Variants in ARHGAP15 observed in about 807,000 individuals in gnomAD.
ARHGAP15 encodes the protein Rho GTPase activating protein 15.
In ARHGAP15, 51 loss-of-function variants were observed where a neutral mutation model predicts 63.7. The ratio of observed to expected loss-of-function variants is 0.80; its 90% CI spans 0.64 to 1.01. The LOEUF is 1.01. Ranked by LOEUF, ARHGAP15 falls within the 50% of genes least tolerant of loss-of-function variation. The probability of loss-of-function intolerance (pLI) is 0.00; values close to 1 mark genes in which losing one functional copy is unlikely to be tolerated. For synonymous variants in ARHGAP15, 191 were observed against 193.8 expected, an observed-to-expected ratio of 0.99 and a Z score of 0.12; for missense variants, 560 against 564.6, an observed-to-expected ratio of 0.99 and a Z score of 0.08.
intron 13 of ARHGAP15, among the ~76,000 whole-genome samples, chr2:143,708,608 C>A (rs1055578064): frequency 6.6e-6 from 1 of 151,988 alleles, no homozygotes; most frequent in South Asian, 2.1e-4. Context: ...GGCATATTGT[C>A]CCCTGGTCTT....
intron 2 of ARHGAP15, among the ~76,000 whole-genome samples, chr2:143,162,957 T>C (rs2105026365): frequency 6.6e-6 from 1 of 152,164 alleles, no homozygotes. Flanking sequence ...ACCATTTAAT[T>C]TACATTTATT....
chr2:143,140,273 C>T (rs941496661), intron 1 of ARHGAP15, among the ~76,000 whole-genome samples: 12 of 152,066 alleles, frequency 7.9e-5, no homozygotes, highest in Non-Finnish European at 1.6e-4. Flanking sequence ...AGAGATAACT[C>T]TTTTCTTGTT....
chr2:143,669,611 T>C (rs1682414559), intron 12 of ARHGAP15, among the ~76,000 whole-genome samples: 1 of 152,232 alleles, frequency 6.6e-6, no homozygotes, highest in Non-Finnish European at 1.5e-5. Flanking sequence ...CTTCTAGCTG[T>C]GTCCCCACAA....
At chr2:143,575,713 A>C (rs1469716234) in intron 11 of ARHGAP15, among the ~76,000 whole-genome samples, 1 of 152,158 alleles carries the variant, frequency 6.6e-6, no homozygotes, top group African/African-American at 2.4e-5. Context: ...AAGAATAGGA[A>C]ATTTAAAATA....
At chr2:143,547,956 T>C (rs554479747) in intron 10 of ARHGAP15, among the ~76,000 whole-genome samples, 1 of 152,166 alleles carries the variant, frequency 6.6e-6, no homozygotes, top group Admixed American at 6.6e-5. Context: ...CACTGAACTT[T>C]TCAAGGCATA....
intron 6 of ARHGAP15, among the ~76,000 whole-genome samples, chr2:143,258,015 A>T (rs769168481): frequency 1.3e-5 from 2 of 152,122 alleles, no homozygotes; most frequent in African/African-American, 4.8e-5. Context: ...ATGATTTTTA[A>T]TAGCAAACAG....
chr2:143,685,171 A>AG (rs1237172033), intron 12 of ARHGAP15, among the ~76,000 whole-genome samples: 2 of 151,766 alleles, frequency 1.3e-5, no homozygotes, highest in African/African-American at 2.4e-5. Context: ...TGCTCGGGAG[A>AG]GGGGGGTGGG....
In ARHGAP15 at chr2:143,426,503, C is replaced by T. The variant is rs184281667; in HGVS notation, c.475-9098C>T. Among the ~76,000 whole-genome samples, 16 of 152,188 alleles carry T rather than the reference C, an allele frequency of 1.1e-4. No individual in the cohort carries two copies. The East Asian group carries it at 2.3e-3, about 22-fold the overall frequency. ...AGGTTGGTATGTTCTGGCTATGCTG[C>T]GAACCGTAGCCCAGAAATGACTGAC... On this transcript the variant is annotated intron_variant, in intron 6 of 13. Transcript: ENST00000295095.
chr2:143,412,129 A>G (rs149403940), intron 6 of ARHGAP15, among the ~76,000 whole-genome samples: 2 of 152,296 alleles, frequency 1.3e-5, no homozygotes, highest in Admixed American at 6.5e-5. Flanking sequence ...ATATCTTTTA[A>G]TGATTGCTCT....
intron 6 of ARHGAP15, among the ~76,000 whole-genome samples, chr2:143,359,650 A>C (rs1337183478): frequency 6.6e-6 from 1 of 152,186 alleles, no homozygotes; most frequent in Non-Finnish European, 1.5e-5. Context: ...TTGATAGGAG[A>C]TATGTGCAGG....
chr2:143,420,409 T>A (rs536790857), intron 6 of ARHGAP15, among the ~76,000 whole-genome samples: 9 of 152,306 alleles, frequency 5.9e-5, no homozygotes, highest in African/African-American at 1.9e-4. Context: ...TTGTATTGTG[T>A]ATCTGAAGTA....
At chr2:143,663,244 G>C (rs1291218490) in intron 12 of ARHGAP15, among the ~76,000 whole-genome samples, 1 of 147,106 alleles carries the variant, frequency 6.8e-6, no homozygotes, top group Non-Finnish European at 1.5e-5. Context: ...AGCCAGAAGA[G>C]AGTGGGGGCC....
At chr2:143,357,197 G>T (rs991109647) in intron 6 of ARHGAP15, among the ~76,000 whole-genome samples, 1 of 152,098 alleles carries the variant, frequency 6.6e-6, no homozygotes, top group Non-Finnish European at 1.5e-5. Flanking sequence ...TGTTTTCTGT[G>T]TGCATTCTGC....
At chr2:143,211,798 G>A (rs1370707328) in intron 3 of ARHGAP15, among the ~76,000 whole-genome samples, 1 of 152,090 alleles carries the variant, frequency 6.6e-6, no homozygotes, top group African/African-American at 2.4e-5. Flanking sequence ...ACATAATAGG[G>A]AATATTCTGA....
chr2:143,537,954 A>G (rs574570075), intron 10 of ARHGAP15, among the ~76,000 whole-genome samples: 37 of 152,140 alleles, frequency 2.4e-4, no homozygotes, highest in South Asian at 6.2e-4. Context: ...CATTGAATCT[A>G]TAAATTACCT....
At chr2:143,575,201 C>A (rs1375735233) in intron 11 of ARHGAP15, among the ~76,000 whole-genome samples, 1 of 152,136 alleles carries the variant, frequency 6.6e-6, no homozygotes, top group Non-Finnish European at 1.5e-5. Context: ...AAACTGTGCG[C>A]AGACACACAT....
intron 10 of ARHGAP15, among the ~76,000 whole-genome samples, chr2:143,537,458 T>G (rs866348465): frequency 5.1e-4 from 78 of 152,308 alleles, no homozygotes; most frequent in African/African-American, 1.8e-3. Flanking sequence ...TTGCCCATGC[T>G]TATGTCTTGA....
At chr2:143,566,549 G>A (rs1559054238) in intron 11 of ARHGAP15, among the ~76,000 whole-genome samples, 1 of 152,106 alleles carries the variant, frequency 6.6e-6, no homozygotes, top group Non-Finnish European at 1.5e-5. Flanking sequence ...ACTAGGATCT[G>A]CAGGCATCCC....
intron 6 of ARHGAP15, among the ~76,000 whole-genome samples, chr2:143,426,634 G>T (rs1191994280): frequency 6.6e-6 from 1 of 152,148 alleles, no homozygotes; most frequent in Non-Finnish European, 1.5e-5. Context: ...AGCATCTGCA[G>T]ATTTCCTCAC....
Sources: allele counts gnomAD v4.1 joint callset (sites outside exome capture counted in the v4.1 genomes callset), GRCh38; gene constraint gnomAD v4.1.1; transcripts MANE v1.5; gene names NCBI Gene and HGNC (gene_info 2026-07-23, HGNC 2026-07-21).